The following DNAH1 variants were observed in gnomAD, a reference collection of about 807,000 sequenced individuals.
DNAH1 encodes the protein axonemal beta dynein heavy chain 1.
In DNAH1, 327 loss-of-function variants were observed where a neutral mutation model predicts 484.3. The ratio of observed to expected loss-of-function variants is 0.68; its 90% CI spans 0.62 to 0.74. The LOEUF is 0.74. Ranked by LOEUF, DNAH1 falls within the 30% of genes least tolerant of loss-of-function variation. The probability of loss-of-function intolerance (pLI) is 0.00; values close to 1 mark genes in which losing one functional copy is unlikely to be tolerated. For synonymous variants in DNAH1, 2,192 were observed against 2,191.9 expected (o/e 1.00, Z 0.00); for missense variants, 5,052 against 5,546.8 (o/e 0.91, Z 2.83).
chr3:52,370,032 A>C lies in DNAH1; in HGVS notation c.6138+13A>C. On this transcript the variant is annotated intron_variant, in intron 38 of 77. Coordinates refer to ENST00000420323, the MANE Select transcript of DNAH1 (RefSeq NM_015512.5). ...CAGCTTCCTGGAGGTGAGTGAGGCC[A>C]CGGGTATGTCTGACCCTGGCAGGGC... 6.2e-7 allele frequency: 1 copy of C among 1,612,830 alleles called. No individual in the cohort carries two copies. The highest frequency in any genetic ancestry group is 1.1e-5 in the South Asian group (1 of 91,072).
Position 52,352,114 on chromosome 3 carries a change from G to A in DNAH1, c.2871+11G>A. ...CTGGAAGGGCTGCAGGTGGGGCACA[G>A]CTGCAGGCTTGGTGCTGGACACAGC... On this transcript the variant is annotated intron_variant, in intron 17 of 77. Coordinates refer to ENST00000420323, the MANE Select transcript of DNAH1 (RefSeq NM_015512.5). The A allele has an allele frequency of 1.9e-6, 3 of 1,568,760 alleles. No homozygotes were observed. Among genetic ancestry groups the A allele is most frequent in the Non-Finnish European group, 1.7e-6 (2 of 1,157,676 alleles).
At chr3:52,344,786 G>A in intron 9 of DNAH1, 139 bp downstream of exon 9, 1 of 980,350 alleles carries the variant, frequency 1.0e-6, no homozygotes, top group Non-Finnish European at 1.5e-6. Context: ...CCTGTCTCCA[G>A]CACTTGTCCC....
At position 52,396,942 on chromosome 3, in the gene DNAH1, G is replaced by T; in HGVS notation, c.11685G>T (p.Met3895Ile). 6.2e-7 allele frequency: 1 copy of T among 1,613,148 alleles called. No homozygotes were observed. Among genetic ancestry groups the T allele is most frequent in the Non-Finnish European group, 8.5e-7 (1 of 1,179,720 alleles). ...ATGACTGGGACCGGCGCTGCATCAT[G>T]AACATCTTGGAGGACTTCTACAACC... ...VTDDWDRRCI[M>I]NILEDFYNPD... Residue 3895 changes from methionine to isoleucine, a missense_variant, in exon 73 of 78, where the codon ATG becomes ATT. Transcript: ENST00000420323.
rs530742175 is a variant in DNAH1 at position 52,340,345 on chromosome 3, G to T, written c.1287-4145G>T. Among the ~76,000 whole-genome samples the T allele has an allele frequency of 2.1e-3, 325 of 152,198 alleles. 1 individual carries two copies. Among genetic ancestry groups the T allele is most frequent in the Admixed American group, 4.1e-3 (62 of 15,286 alleles). On this transcript the variant is annotated intron_variant, in intron 8 of 77. Coordinates refer to ENST00000420323, the MANE Select transcript of DNAH1 (RefSeq NM_015512.5). ...CATCCACCCACATTGGCCTCCCAAA[G>T]TTCTGGGATTATAGGCATTAGCCAC... is the stretch of plus-strand genomic sequence containing the variant.
intron 8 of DNAH1, among the ~76,000 whole-genome samples, chr3:52,343,910 A>G (rs967935065): frequency 6.6e-6 from 1 of 152,088 alleles, no homozygotes; most frequent in Non-Finnish European, 1.5e-5. Flanking sequence ...GGGTCTGCCT[A>G]TGTGAGGACG....
intron 13 of DNAH1, 31 bp downstream of exon 13, chr3:52,349,112 G>T: frequency 5.0e-6 from 8 of 1,612,712 alleles, no homozygotes; most frequent in Non-Finnish European, 6.8e-6. Context: ...ACGTCGGAGG[G>T]TGTCTGTGTG....
At chr3:52,360,861 C>T (rs546871066) in intron 28 of DNAH1, among the ~76,000 whole-genome samples, 10 of 152,228 alleles carry the variant, frequency 6.6e-5, no homozygotes, top group Non-Finnish European at 1.2e-4. Context: ...GTCATCTTGC[C>T]GCCTGTGTCT....
At position 52,395,533 on chromosome 3, in the gene DNAH1, T is replaced by C. The variant is rs1319184622; in HGVS notation, c.11128-14T>C. On this transcript the variant is annotated splice_polypyrimidine_tract_variant and intron_variant, in intron 69 of 77. Coordinates refer to ENST00000420323, the MANE Select transcript of DNAH1 (RefSeq NM_015512.5). The surrounding 1 kb of genome is among the most constrained non-coding windows in gnomAD (Gnocchi z 4.4). ...GGCAAGCTGGCCCCCTGCTCAGTGC[T>C]CTTGCCCCTGCAGGGCCCTCGGGCA... is the stretch of plus-strand genomic sequence containing the variant. 6.2e-7 allele frequency: 1 copy of C among 1,613,456 alleles called. No individual in the cohort carries two copies. Among genetic ancestry groups the C allele is most frequent in the South Asian group, 1.1e-5 (1 of 91,088 alleles).
intron 26 of DNAH1, 129 bp from the exon 27 acceptor site, chr3:52,359,787 C>T: frequency 7.8e-7 from 1 of 1,279,768 alleles, no homozygotes; most frequent in Non-Finnish European, 1.1e-6. Context: ...CTGCTCCCCT[C>T]CCAACTCAGA....
rs549923167 is a variant in DNAH1, at chr3:52,381,482, G to C, written c.7609-158G>C. Reference sequence around the variant, plus strand: ...GTCTGGGAATGTTCAGCTTGGGCTCGAGCCTGCAGGGGAAACATGCAGCTG... The same window carrying C: ...GTCTGGGAATGTTCAGCTTGGGCTCCAGCCTGCAGGGGAAACATGCAGCTG... On this transcript the variant is annotated intron_variant, in intron 48 of 77. Transcript: ENST00000420323. The surrounding 1 kb of genome is among the most constrained non-coding windows in gnomAD (Gnocchi z 4.1). 2.0e-5 allele frequency among the ~76,000 whole-genome samples: 3 copies of C among 151,994 alleles called. No homozygotes were observed. Among genetic ancestry groups the C allele is most frequent in the Non-Finnish European group, 4.4e-5 (3 of 68,004 alleles).
chr3:52,397,772 C>T lies in DNAH1; in HGVS notation c.11853C>T (p.Asp3951=), dbSNP rs552681670. The T allele has an allele frequency of 3.1e-6, 5 of 1,613,880 alleles. No homozygotes were observed. The Admixed American group carries it at 6.7e-5, about 22-fold the overall frequency. The change falls in exon 74 of 78, where the codon GAC becomes GAT. Residue 3951 remains aspartate, a synonymous_variant. Transcript: ENST00000420323. ...TGCCTGAGATCTTTGGCCTGCATGA[C>T]AATGCCAACATCACCTTTGCCCAGA... ...NDMPEIFGLH[D]NANITFAQNE...
Position 52,384,997 on chromosome 3 carries a change from C to T in DNAH1, c.8514+20C>T, listed in dbSNP as rs1366691522. ...GACAAGGTGGGCCCAGGCGAGTCCC[C>T]GTGGACAAGGTCAGCTGCCTGCAGG... On this transcript the variant is annotated intron_variant, in intron 53 of 77. Coordinates refer to ENST00000420323, the MANE Select transcript of DNAH1 (RefSeq NM_015512.5). The T allele has an allele frequency of 5.6e-6, 9 of 1,603,252 alleles. No homozygotes were observed. Among genetic ancestry groups the T allele is most frequent in the African/African-American group, 1.3e-5 (1 of 74,732 alleles).
At chr3:52,369,800 C>T (rs748294707) in intron 37 of DNAH1, 25 bp from the exon 38 acceptor site, 5 of 1,583,438 alleles carry the variant, frequency 3.2e-6, no homozygotes, top group Non-Finnish European at 8.6e-7. Flanking sequence ...AGCCAGCCCA[C>T]TCATTTGGTT....
In DNAH1 at chr3:52,379,561, C is replaced by T. The variant is rs187712251; in HGVS notation, c.7378-344C>T. Among the ~76,000 whole-genome samples, 5 of 152,182 alleles carry T rather than the reference C, an allele frequency of 3.3e-5. No individual in the cohort carries two copies. The East Asian group carries it at 9.7e-4, about 29-fold the overall frequency. Reference sequence around the variant, plus strand: ...GGAAAGTGTTAGGAGCATCAAGCATCCCTCCCAGGTTTGGGGTTAGGGGAG... The same window carrying T: ...GGAAAGTGTTAGGAGCATCAAGCATTCCTCCCAGGTTTGGGGTTAGGGGAG... On this transcript the variant is annotated intron_variant, in intron 47 of 77. Coordinates refer to ENST00000420323, the MANE Select transcript of DNAH1 (RefSeq NM_015512.5). This position sits in a 1 kb window ranked among gnomAD's most constrained non-coding sequence, Gnocchi z 4.4.
Position 52,359,349 on chromosome 3 carries a change from A to G in DNAH1, c.4370A>G (p.Asn1457Ser), listed in dbSNP as rs1389616255. Residue 1457 changes from asparagine (N) to serine (S), a missense_variant, in exon 26 of 78, where the codon AAC becomes AGC. By Grantham distance (46) the Asn-to-Ser change is conservative (BLOSUM62 1). Around this residue, in one of 4 missense-constraint regions of DNAH1, gnomAD observed 2,929 missense variants for 3,409.4 expected, o/e 0.86. Transcript: ENST00000420323. Reference sequence around the variant, plus strand: ...GTGGCAGAGGCTCTGGAGGCCGGCAACCTCAGAAGCCAACTGTTCCCCCAG... The same window carrying G: ...GTGGCAGAGGCTCTGGAGGCCGGCAGCCTCAGAAGCCAACTGTTCCCCCAG... ...MEVAEALEAG[N>S]LRSQLFPQLC... 1.9e-6 allele frequency: 3 copies of G among 1,570,796 alleles called. No individual in the cohort carries two copies. The highest frequency in any genetic ancestry group is 1.8e-5 in the Admixed American group (1 of 54,934).
chr3:52,349,330 T>C lies in DNAH1; in HGVS notation c.2436T>C (p.Asn812=). ...GGCCTTTCTACATCAACACCGACAA[T>C]GTCAAGCAGAGCCTGTCCAAGAAAC... ...IIGPFYINTD[N]VKQSLSKKRK... is the part of the protein sequence containing the mutation. The change falls in exon 14 of 78, where the codon AAT becomes AAC. Residue 812 remains asparagine (N), a synonymous_variant. Transcript: ENST00000420323. 1.2e-6 allele frequency: 2 copies of C among 1,613,922 alleles called. No homozygotes were observed. The highest frequency in any genetic ancestry group is 1.7e-6 in the Non-Finnish European group (2 of 1,179,884).
chr3:52,350,167 G>A (rs1032637252), intron 15 of DNAH1, 59 bp downstream of exon 15: 13 of 1,579,962 alleles, frequency 8.2e-6, no homozygotes, highest in African/African-American at 2.7e-5. Context: ...TTAAGAGTCC[G>A]AGGGCTGGGG....
rs756878239 is a variant in DNAH1, at chr3:52,392,610, C to T, written c.10199C>T (p.Ser3400Phe). ...IEDQILYRLS[S>F]SEGNPVDDME... The stretch of plus-strand genomic sequence containing the variant: ...GACCAGATCCTGTACCGGCTCAGCT[C>T]CTCCGAGGGCAACCCTGTAGATGAC... Residue 3400 changes from serine (S) to phenylalanine (F), a missense_variant, in exon 64 of 78, where the codon TCC becomes TTC. This residue lies in a region of DNAH1 where 2,929 missense variants were observed against 3,409.4 expected (regional missense o/e 0.86). Transcript: ENST00000420323. 8 of 1,613,774 alleles carry T rather than the reference C, an allele frequency of 5.0e-6. No individual in the cohort carries two copies. Among genetic ancestry groups the T allele is most frequent in the South Asian group, 2.2e-5 (2 of 91,032 alleles).
In DNAH1 at chr3:52,386,331, A is replaced by T. The variant is rs1454436251; in HGVS notation, c.8797A>T (p.Asn2933Tyr). ...GGCCAGCCTGCGCAACCTCAACAAG[A>T]ACGATGTGACCGAGGTGGGCAGCAG... ...ALASLRNLNKNDVTEVRAMQR... is the reference protein window; with the variant it reads ...ALASLRNLNKYDVTEVRAMQR... Residue 2933 changes from asparagine (N) to tyrosine (Y), a missense_variant, in exon 55 of 78, where the codon AAC becomes TAC. By Grantham distance (143) the Asn-to-Tyr change is moderately radical. This residue lies in a region of DNAH1 where 2,929 missense variants were observed against 3,409.4 expected (regional missense o/e 0.86). Transcript: ENST00000420323. The T allele has an allele frequency of 1.9e-6, 3 of 1,581,812 alleles. No homozygotes were observed. The African/African-American group carries it at 4.1e-5, about 21-fold the overall frequency.
Sources: gnomAD v4.1 joint callset for allele counts (sites outside exome capture counted in the v4.1 genomes callset) on GRCh38, gnomAD v4.1.1 for gene constraint, gnomAD v4.1.1 regional missense constraint, Gnocchi (gnomAD v3.1) non-coding constraint, MANE v1.5 for transcripts, NCBI Gene and HGNC (gene_info 2026-07-23, HGNC 2026-07-21) for gene names.